Variants in CACNA2D1 observed in about 807,000 individuals in gnomAD.
CACNA2D1 encodes calcium voltage-gated channel auxiliary subunit alpha2delta 1, also known as voltage-dependent calcium channel subunit alpha-2/delta-1.
CACNA2D1 carries 53 observed loss-of-function variants against 171.5 expected under a neutral mutation model. The observed-to-expected ratio is 0.31, with a 90% CI of 0.25 to 0.39. CACNA2D1 has a LOEUF of 0.39. CACNA2D1 is among the 10% of genes least tolerant of loss of function. The probability of loss-of-function intolerance (pLI) is 1.00; values close to 1 mark genes in which losing one functional copy is unlikely to be tolerated. For synonymous variants in CACNA2D1, 442 were observed against 443.1 expected (o/e 1.00, Z 0.03); for missense variants, 903 against 1,299.8 (o/e 0.69, Z 4.69).
At chr7:81,956,110 C>G (rs1159044710) in intron 38 of CACNA2D1, among the ~76,000 whole-genome samples, 3 of 150,396 alleles carry the variant, frequency 2.0e-5, no homozygotes, top group Non-Finnish European at 3.0e-5. Context: ...GCCTCAGCCT[C>G]TGGCGTAGCT....
At chr7:82,017,413 A>T (rs1413560575) in intron 12 of CACNA2D1, among the ~76,000 whole-genome samples, 1 of 152,132 alleles carries the variant, frequency 6.6e-6, no homozygotes, top group Non-Finnish European at 1.5e-5. Flanking sequence ...TTCACATTAC[A>T]TATTGTATAG....
chr7:82,238,045 A>G (rs183435250), intron 3 of CACNA2D1, among the ~76,000 whole-genome samples: 1 of 152,150 alleles, frequency 6.6e-6, no homozygotes, highest in Non-Finnish European at 1.5e-5. Context: ...AACATCTTAC[A>G]TGTTAAATAA....
intron 20 of CACNA2D1, among the ~76,000 whole-genome samples, chr7:81,991,649 A>G (rs1275225321): frequency 1.3e-5 from 2 of 152,154 alleles, no homozygotes; most frequent in Non-Finnish European, 2.9e-5. Flanking sequence ...TTAGCATATG[A>G]CTGTTTTTAT....
intron 2 of CACNA2D1, among the ~76,000 whole-genome samples, chr7:82,341,786 G>A (rs922529164): frequency 5.9e-5 from 9 of 152,028 alleles, no homozygotes; most frequent in South Asian, 4.2e-4. Context: ...GGTGGCTCAC[G>A]CCTGTAATCC....
chr7:81,988,618 A>G (rs1354305228), intron 21 of CACNA2D1, among the ~76,000 whole-genome samples: 2 of 152,220 alleles, frequency 1.3e-5, no homozygotes, highest in Non-Finnish European at 2.9e-5. Context: ...ATTAATATGT[A>G]GTTAAAGAGA....
chr7:81,955,448 T>C, intron 38 of CACNA2D1, among the ~76,000 whole-genome samples: 1 of 152,316 alleles, frequency 6.6e-6, no homozygotes, highest in Non-Finnish European at 1.5e-5. Context: ...CTTCCTTTGA[T>C]ATCATTATAT....
At chr7:82,334,521 A>G (rs1243127455) in intron 3 of CACNA2D1, among the ~76,000 whole-genome samples, 1 of 152,230 alleles carries the variant, frequency 6.6e-6, no homozygotes, top group African/African-American at 2.4e-5. Flanking sequence ...TCTAAGTGCA[A>G]ACATACATAT....
chr7:82,317,512 T>C (rs1178736603), intron 3 of CACNA2D1, among the ~76,000 whole-genome samples: 1 of 152,312 alleles, frequency 6.6e-6, no homozygotes, highest in Admixed American at 6.5e-5. Context: ...ATGTCTAAAA[T>C]ACTTAAGGAG....
chr7:82,132,206 C>T (rs772063059), intron 5 of CACNA2D1, among the ~76,000 whole-genome samples: 28 of 152,046 alleles, frequency 1.8e-4, no homozygotes, highest in Non-Finnish European at 3.2e-4. Flanking sequence ...AAAATTATCT[C>T]CCCCAAAGGG....
intron 18 of CACNA2D1, among the ~76,000 whole-genome samples, chr7:82,002,811 T>C (rs1220840444): frequency 6.6e-6 from 1 of 152,058 alleles, no homozygotes; most frequent in Non-Finnish European, 1.5e-5. Flanking sequence ...CCTTAAAAAA[T>C]TAAATATGTG....
In CACNA2D1 at chr7:81,967,224, C is replaced by A; in HGVS notation, c.2464-17G>T. On this transcript the variant is annotated splice_polypyrimidine_tract_variant and intron_variant, in intron 30 of 38. Coordinates refer to ENST00000356860, the MANE Select transcript of CACNA2D1 (RefSeq NM_000722.4). ...ACCAGCACACTGAAAGACAAAAATGCGATTATCACCTCACTTTTAAAAGTT... is the reference window on the plus strand; with the variant it reads ...ACCAGCACACTGAAAGACAAAAATGAGATTATCACCTCACTTTTAAAAGTT... 2 of 1,595,414 alleles carry A rather than the reference C, an allele frequency of 1.3e-6. No individual in the cohort carries two copies. Among genetic ancestry groups the A allele is most frequent in the South Asian group, 1.1e-5 (1 of 90,220 alleles).
At chr7:82,054,230 A>C (rs1805542132) in intron 10 of CACNA2D1, among the ~76,000 whole-genome samples, 1 of 152,178 alleles carries the variant, frequency 6.6e-6, no homozygotes, top group African/African-American at 2.4e-5. Flanking sequence ...CATTTTATTG[A>C]TAGCATTATT....
intron 1 of CACNA2D1, among the ~76,000 whole-genome samples, chr7:82,417,818 G>A (rs1310654725): frequency 1.3e-5 from 2 of 152,128 alleles, no homozygotes; most frequent in African/African-American, 4.8e-5. Flanking sequence ...TATAAAAAGG[G>A]GGAGATCAGT....
At chr7:82,415,698 TC>T (rs1398813301) in intron 1 of CACNA2D1, among the ~76,000 whole-genome samples, 1 of 151,718 alleles carries the variant, frequency 6.6e-6, no homozygotes, top group African/African-American at 2.4e-5. Flanking sequence ...ATGCACTGCA[TC>T]TTTTTTTTTT....
rs536982407 is a variant in CACNA2D1, at chr7:82,296,280, T to C, written c.294+38855A>G. 6.7e-3 allele frequency among the ~76,000 whole-genome samples: 1,013 copies of C among 151,046 alleles called. 5 individuals are homozygous for C. Among genetic ancestry groups the C allele is most frequent in the African/African-American group, 0.024 (963 of 40,948 alleles). ...ATAATAATAATTAAAAAAAAAAACA[T>C]GTAGATTCTGAAGAGGAAAAACTAT... On this transcript the variant is annotated intron_variant, in intron 3 of 38. Coordinates refer to ENST00000356860, the MANE Select transcript of CACNA2D1 (RefSeq NM_000722.4).
Position 82,408,154 on chromosome 7 carries a change from G to T in CACNA2D1, c.95+35211C>A, listed in dbSNP as rs554738822. Among the ~76,000 whole-genome samples the T allele has an allele frequency of 8.6e-5, 13 of 151,690 alleles. No homozygotes were observed. In the East Asian group the frequency reaches 2.5e-3, roughly 29 times the overall value. On this transcript the variant is annotated intron_variant, in intron 1 of 38. Coordinates refer to ENST00000356860, the MANE Select transcript of CACNA2D1 (RefSeq NM_000722.4). ...TTGTGCCTCAGCCTTCTGAGTAGCT[G>T]GGATTACAGGCACCCACCACCATGC...
chr7:82,380,416 T>C (rs1357006923), intron 1 of CACNA2D1, among the ~76,000 whole-genome samples: 8 of 152,092 alleles, frequency 5.3e-5, no homozygotes, highest in Admixed American at 5.2e-4. Context: ...TTTTATATGT[T>C]TGGAGAATTG....
chr7:82,136,053 G>C (rs977020583), intron 5 of CACNA2D1, among the ~76,000 whole-genome samples: 2 of 152,120 alleles, frequency 1.3e-5, no homozygotes, highest in African/African-American at 2.4e-5. Flanking sequence ...TCCAGATGTA[G>C]CAATATTAGA....
chr7:82,436,131 A>G (rs1269387270), intron 1 of CACNA2D1, among the ~76,000 whole-genome samples: 1 of 152,196 alleles, frequency 6.6e-6, no homozygotes, highest in Non-Finnish European at 1.5e-5. Context: ...CGTAATTTGC[A>G]CTGAATAATA....
Sources: allele counts gnomAD v4.1 joint callset (sites outside exome capture counted in the v4.1 genomes callset), GRCh38; gene constraint gnomAD v4.1.1; transcripts MANE v1.5; gene names NCBI Gene and HGNC (gene_info 2026-07-23, HGNC 2026-07-21).